Variants in IGSF21 observed in about 807,000 individuals in gnomAD.
IGSF21 encodes immunoglobin superfamily member 21, also known as immunoglobulin superfamily member 21.
A neutral mutation model predicts 46.8 loss-of-function variants in IGSF21; 28 were observed. The ratio of observed to expected loss-of-function variants is 0.60; its 90% CI spans 0.44 to 0.82. The LOEUF is 0.82. Ranked by LOEUF, IGSF21 falls within the 40% of genes least tolerant of loss-of-function variation. The pLI is 0.00. For synonymous variants in IGSF21, 284 were observed against 273.6 expected, an observed-to-expected ratio of 1.04 and a Z score of -0.38; for missense variants, 624 against 665.5, an observed-to-expected ratio of 0.94 and a Z score of 0.69.
At chr1:18,294,223 G>A (rs1185059362) in intron 3 of IGSF21, among the ~76,000 whole-genome samples, 27 of 152,144 alleles carry the variant, frequency 1.8e-4, no homozygotes, top group Non-Finnish European at 4.4e-5. Flanking sequence ...AGCACTAAGA[G>A]GCTAGCTGCA....
chr1:18,353,635 A>G (rs1422366891), intron 4 of IGSF21, among the ~76,000 whole-genome samples: 1 of 152,152 alleles, frequency 6.6e-6, no homozygotes, highest in Non-Finnish European at 1.5e-5. Context: ...GAGGGGTGAC[A>G]TTTGAGCTGA....
rs1355388365 is a variant in IGSF21 at position 18,142,734 on chromosome 1, TG to T, written c.70+34542del. Among the ~76,000 whole-genome samples, 12 of 152,316 alleles carry T rather than the reference TG, an allele frequency of 7.9e-5. No homozygotes were observed. In the East Asian group the frequency reaches 1.4e-3, roughly 17 times the overall value. On this transcript the variant is annotated intron_variant, in intron 1 of 9. Coordinates refer to ENST00000251296, the MANE Select transcript of IGSF21 (RefSeq NM_032880.5). Reference sequence around the variant, plus strand: ...GAGCCTTGTTTGCATATATGCAAATTGGGGGGCTGATTAGCGCTTCCCCCAG... The same window carrying T: ...GAGCCTTGTTTGCATATATGCAAATTGGGGGCTGATTAGCGCTTCCCCCAG...
chr1:18,192,087 G>A (rs910582556), intron 1 of IGSF21, among the ~76,000 whole-genome samples: 2 of 152,222 alleles, frequency 1.3e-5, no homozygotes, highest in African/African-American at 4.8e-5. Context: ...GCCTTCCCCA[G>A]CACTGGCTTT....
At chr1:18,203,979 C>T (rs930155866) in intron 1 of IGSF21, among the ~76,000 whole-genome samples, 1 of 152,160 alleles carries the variant, frequency 6.6e-6, no homozygotes. Flanking sequence ...CATCGCTTGC[C>T]GAGAGCTGTT....
At chr1:18,182,988 T>C (rs929156563) in intron 1 of IGSF21, among the ~76,000 whole-genome samples, 1 of 152,174 alleles carries the variant, frequency 6.6e-6, no homozygotes, top group African/African-American at 2.4e-5. Context: ...ATCACCCTCC[T>C]TCACCCGCTG....
rs1553162965 is a variant in IGSF21 at position 18,315,547 on chromosome 1, T to TGACGGATG, written c.306-19343_306-19342insCGGATGGA. Among the ~76,000 whole-genome samples the TGACGGATG allele has an allele frequency of 2.7e-5, 4 of 149,380 alleles. No homozygotes were observed. In the South Asian group the frequency reaches 6.5e-4, roughly 24 times the overall value. ...TAGAATTGTTGGATGAGTGGATGGA[T>TGACGGATG]GATGGATGGATGGATGGATGGATGG... On this transcript the variant is annotated intron_variant, in intron 3 of 9. Transcript: ENST00000251296.
chr1:18,361,832 G>A, intron 4 of IGSF21: 1 of 328,106 alleles, frequency 3.0e-6, no homozygotes, highest in Non-Finnish European at 5.6e-6. Context: ...ATGCCTCCGG[G>A]GATCTGATGC....
chr1:18,158,314 T>C (rs969697851), intron 1 of IGSF21, among the ~76,000 whole-genome samples: 3 of 152,202 alleles, frequency 2.0e-5, no homozygotes, highest in East Asian at 1.9e-4. Flanking sequence ...CATTAATTAG[T>C]GTTGCTGCTG....
intron 1 of IGSF21, among the ~76,000 whole-genome samples, chr1:18,208,342 C>T (rs1223178750): frequency 2.6e-4 from 35 of 134,998 alleles, no homozygotes; most frequent in African/African-American, 2.4e-4. Flanking sequence ...CCAAAGGTTT[C>T]GGGTTTTGGG....
At chr1:18,229,364 G>A (rs1029636434) in intron 2 of IGSF21, among the ~76,000 whole-genome samples, 7 of 152,186 alleles carry the variant, frequency 4.6e-5, no homozygotes, top group Non-Finnish European at 1.0e-4. Context: ...CATGCGTGCT[G>A]TTCATAGTCT....
chr1:18,241,937 G>A (rs2084732415), intron 2 of IGSF21, among the ~76,000 whole-genome samples: 1 of 152,192 alleles, frequency 6.6e-6, no homozygotes, highest in Admixed American at 6.5e-5. Context: ...CTCACTCTAA[G>A]CTGATGGAGT....
intron 2 of IGSF21, among the ~76,000 whole-genome samples, chr1:18,249,874 T>A (rs184805833): frequency 6.6e-6 from 1 of 152,178 alleles, no homozygotes; most frequent in African/African-American, 2.4e-5. Flanking sequence ...TTTGTGTGTC[T>A]TCAGCCTCAT....
At chr1:18,226,469 T>C (rs12033005) in intron 1 of IGSF21, among the ~76,000 whole-genome samples, 14,502 of 152,204 alleles carry the variant, frequency 0.095, 887 homozygotes, top group East Asian at 0.17. Flanking sequence ...TGGTTGTGGT[T>C]GTGGCTTTGT....
intron 1 of IGSF21, among the ~76,000 whole-genome samples, chr1:18,197,561 G>A (rs187226714): frequency 6.6e-6 from 1 of 152,328 alleles, no homozygotes; most frequent in Admixed American, 6.5e-5. Context: ...TGATTCCCAG[G>A]CAGCAGAAAC....
At chr1:18,222,632 C>G (rs530542761) in intron 1 of IGSF21, among the ~76,000 whole-genome samples, 1 of 152,124 alleles carries the variant, frequency 6.6e-6, no homozygotes, top group Non-Finnish European at 1.5e-5. Context: ...TTGCCCAGGT[C>G]GCTACTGAAT....
At chr1:18,326,072 C>T (rs1237989220) in intron 3 of IGSF21, among the ~76,000 whole-genome samples, 1 of 150,758 alleles carries the variant, frequency 6.6e-6, no homozygotes, top group African/African-American at 2.4e-5. Context: ...GAGTAGCAAA[C>T]CTTTTCCATG....
intron 1 of IGSF21, among the ~76,000 whole-genome samples, chr1:18,125,158 C>T (rs192194358): frequency 2.0e-3 from 306 of 152,302 alleles, no homozygotes; most frequent in Non-Finnish European, 2.9e-3. Flanking sequence ...GCACTGAAGA[C>T]ACAGCACTCC....
intron 4 of IGSF21, among the ~76,000 whole-genome samples, chr1:18,350,632 G>GA (rs964881463): frequency 4.6e-5 from 7 of 151,678 alleles, no homozygotes; most frequent in African/African-American, 1.7e-4. Context: ...ATGTCAAGGG[G>GA]AAAAAAAATG....
intron 1 of IGSF21, among the ~76,000 whole-genome samples, chr1:18,160,003 C>T (rs540563758): frequency 4.6e-5 from 7 of 152,268 alleles, no homozygotes; most frequent in Admixed American, 2.0e-4. Context: ...TTATTAGCAA[C>T]GTGAGAACAG....
Sources: allele counts gnomAD v4.1 joint callset (sites outside exome capture counted in the v4.1 genomes callset), GRCh38; gene constraint gnomAD v4.1.1; transcripts MANE v1.5; gene names NCBI Gene and HGNC (gene_info 2026-07-23, HGNC 2026-07-21).